The following IGF1R variants were observed in gnomAD, a reference collection of about 807,000 sequenced individuals.
IGF1R encodes insulin-like growth factor 1 receptor.
Under a neutral mutation model 144.6 loss-of-function variants are expected in IGF1R, and 44 were observed. That is an observed-to-expected ratio of 0.30 (90% CI 0.24 to 0.39). The LOEUF is 0.39. IGF1R is among the 10% of genes least tolerant of loss of function. The probability of loss-of-function intolerance (pLI) is 1.00; values close to 1 mark genes in which losing one functional copy is unlikely to be tolerated. For synonymous variants in IGF1R, 795 were observed against 722.8 expected, an observed-to-expected ratio of 1.10 and a Z score of -1.60; for missense variants, 1,355 against 1,833.7, an observed-to-expected ratio of 0.74 and a Z score of 4.77.
intron 1 of IGF1R, among the ~76,000 whole-genome samples, chr15:98,692,075 C>T (rs1478927603): frequency 1.3e-5 from 2 of 151,820 alleles, no homozygotes; most frequent in Admixed American, 1.3e-4. Context: ...GTGGCTCATG[C>T]CTGTAATCCC....
intron 1 of IGF1R, among the ~76,000 whole-genome samples, chr15:98,659,355 A>C (rs1439178179): frequency 6.6e-6 from 1 of 151,796 alleles, no homozygotes; most frequent in East Asian, 1.9e-4. Context: ...CTCACACCTG[A>C]GAGGTGTCCA....
At chr15:98,689,315 T>G (rs2053416636) in intron 1 of IGF1R, among the ~76,000 whole-genome samples, 1 of 148,958 alleles carries the variant, frequency 6.7e-6, no homozygotes, top group Non-Finnish European at 1.5e-5. Context: ...CTCAGCTCAC[T>G]GCAACCTCTG....
intron 2 of IGF1R, among the ~76,000 whole-genome samples, chr15:98,727,833 T>C (rs2054398081): frequency 1.3e-5 from 2 of 152,088 alleles, no homozygotes. Context: ...CCGGCCCTGG[T>C]GCGCTGTCAC....
intron 2 of IGF1R, among the ~76,000 whole-genome samples, chr15:98,822,119 T>C (rs2056814460): frequency 1.3e-5 from 2 of 152,352 alleles, no homozygotes; most frequent in South Asian, 4.1e-4. Context: ...TGGAAATTTC[T>C]CTTTGTCCCT....
intron 2 of IGF1R, among the ~76,000 whole-genome samples, chr15:98,867,937 G>T (rs1344114487): frequency 1.3e-5 from 2 of 152,110 alleles, no homozygotes. Flanking sequence ...GCAGTGGCTC[G>T]TGTCTCCAAT....
At chr15:98,899,670 G>A (rs2014377441) in intron 5 of IGF1R, 49 bp downstream of exon 5, 1 of 1,575,592 alleles carries the variant, frequency 6.3e-7, no homozygotes, top group African/African-American at 1.3e-5. Context: ...AAAATAAGCA[G>A]CGTGCTTATG....
intron 1 of IGF1R, among the ~76,000 whole-genome samples, chr15:98,679,420 G>A (rs1282417976): frequency 2.0e-5 from 3 of 152,106 alleles, no homozygotes; most frequent in Non-Finnish European, 4.4e-5. Flanking sequence ...ATTAATTGCC[G>A]TGCTCCACAT....
At position 98,961,420 on chromosome 15, in the gene IGF1R, G is replaced by C. The variant is rs907215930; in HGVS notation, c.*3978G>C. 4.3e-6 allele frequency: 1 copy of C among 233,322 alleles called. No individual in the cohort carries two copies. Among genetic ancestry groups the C allele is most frequent in the African/African-American group, 2.2e-5 (1 of 45,332 alleles). The allele number at this position is 233,322 out of a possible 1,614,324, so 14.5% of individuals were successfully genotyped here. A position where few individuals can be genotyped will look rare whatever the true frequency, so the allele number is the denominator to read the frequency against. On this transcript the variant is annotated 3_prime_UTR_variant, in exon 21 of 21. Transcript: ENST00000650285. The stretch of plus-strand genomic sequence containing the variant: ...AACACCTCAATAAAAGAGAAAACTT[G>C]GCTTGTGTGATGGTGCAGTCACTTT...
intron 2 of IGF1R, among the ~76,000 whole-genome samples, chr15:98,841,360 C>G (rs138061585): frequency 6.6e-6 from 1 of 152,206 alleles, no homozygotes; most frequent in East Asian, 1.9e-4. Context: ...TCAATGTTCT[C>G]ATCTCTAAAG....
At chr15:98,836,336 C>T (rs1162413076) in intron 2 of IGF1R, among the ~76,000 whole-genome samples, 1 of 151,872 alleles carries the variant, frequency 6.6e-6, no homozygotes, top group Non-Finnish European at 1.5e-5. Context: ...TGAGACCAAG[C>T]TGTGAGACTA....
At chr15:98,769,365 G>T (rs1295145747) in intron 2 of IGF1R, among the ~76,000 whole-genome samples, 1 of 152,130 alleles carries the variant, frequency 6.6e-6, no homozygotes, top group Non-Finnish European at 1.5e-5. Context: ...AAAAATGAAT[G>T]GAAGTTAACT....
At chr15:98,887,586 T>C (rs540965139) in intron 2 of IGF1R, among the ~76,000 whole-genome samples, 10 of 152,342 alleles carry the variant, frequency 6.6e-5, no homozygotes, top group African/African-American at 2.2e-4. Flanking sequence ...CAGAGTTTCC[T>C]TCCTCTAATG....
chr15:98,875,780 AGAG>A (rs1224413011), intron 2 of IGF1R, among the ~76,000 whole-genome samples: 1 of 152,208 alleles, frequency 6.6e-6, no homozygotes, highest in East Asian at 1.9e-4. Context: ...CAGCAGGAAG[AGAG>A]GAGAAGCCCA....
intron 1 of IGF1R, among the ~76,000 whole-genome samples, chr15:98,668,932 G>C (rs1399792688): frequency 2.0e-5 from 3 of 152,220 alleles, no homozygotes; most frequent in Non-Finnish European, 4.4e-5. Context: ...AGCAAATCCA[G>C]GAGGCTGGGA....
chr15:98,708,153 C>G, intron 2 of IGF1R, 46 bp downstream of exon 2: 1 of 1,506,910 alleles, frequency 6.6e-7, no homozygotes. Context: ...TCTCTCTCTC[C>G]TCTCCTCCTC....
At chr15:98,684,175 A>C (rs958166108) in intron 1 of IGF1R, among the ~76,000 whole-genome samples, 1 of 152,228 alleles carries the variant, frequency 6.6e-6, no homozygotes, top group African/African-American at 2.4e-5. Context: ...ACTTCTGCCT[A>C]AAAAATAAAA....
chr15:98,689,411 A>T (rs971399287), intron 1 of IGF1R, among the ~76,000 whole-genome samples: 4 of 144,028 alleles, frequency 2.8e-5, no homozygotes, highest in African/African-American at 1.0e-4. Context: ...GCTAATTTTT[A>T]TATTTTTAGT....
rs955350379 is a variant in IGF1R, at chr15:98,935,875, C to G, written c.3297+449C>G. On this transcript the variant is annotated intron_variant, in intron 17 of 20. Transcript: ENST00000650285. This position sits in a 1 kb window ranked among gnomAD's most constrained non-coding sequence, Gnocchi z 4.2. ...TGTGCTGTTGTTGGAGTGTGTCCCC[C>G]CTCCACCCCGTTGTGTTTAGCTTTT... Among the ~76,000 whole-genome samples, 1 of 152,176 alleles carries G rather than the reference C, an allele frequency of 6.6e-6. No individual in the cohort carries two copies. Among genetic ancestry groups the G allele is most frequent in the Non-Finnish European group, 1.5e-5 (1 of 68,040 alleles).
rs907271173 is a variant in IGF1R, at chr15:98,897,767, T to G, written c.1102+862T>G. On this transcript the variant is annotated intron_variant, in intron 4 of 20. Transcript: ENST00000650285. ...ATTTTAAAAATCTTTTCACTTCTGA[T>G]TTTTCATTGCCAAGGGCTTCTAGTA... Among the ~76,000 whole-genome samples the G allele has an allele frequency of 2.6e-5, 4 of 152,200 alleles. No individual in the cohort carries two copies. In the East Asian group the frequency reaches 7.7e-4, roughly 29 times the overall value.
Sources: gnomAD v4.1 joint callset for allele counts (sites outside exome capture counted in the v4.1 genomes callset) on GRCh38, gnomAD v4.1.1 for gene constraint, Gnocchi (gnomAD v3.1) non-coding constraint, MANE v1.5 for transcripts, NCBI Gene and HGNC (gene_info 2026-07-23, HGNC 2026-07-21) for gene names.